Variants in LRBA observed in about 807,000 individuals in gnomAD.
LRBA encodes LPS responsive beige-like anchor protein.
Under a neutral mutation model 330.0 loss-of-function variants are expected in LRBA, and 176 were observed. The ratio of observed to expected loss-of-function variants is 0.53; its 90% confidence interval spans 0.47 to 0.60. The LOEUF (loss-of-function observed/expected upper bound fraction) is 0.60. Ranked by LOEUF, LRBA falls within the 20% of genes least tolerant of loss-of-function variation. The pLI is 0.00. For synonymous variants in LRBA, 1,230 were observed against 1,193.0 expected, an observed-to-expected ratio of 1.03 and a Z score of -0.64; for missense variants, 3,259 against 3,444.8, an observed-to-expected ratio of 0.95 and a Z score of 1.35.
At chr4:150,366,760 ACT>A (rs1393054883) in intron 47 of LRBA, among the ~76,000 whole-genome samples, 1 of 152,140 alleles carries the variant, frequency 6.6e-6, no homozygotes, top group Non-Finnish European at 1.5e-5. Context: ...GGAGTAATTA[ACT>A]CTGATGTGAA....
At chr4:150,441,142 GTTAT>G (rs1168438863) in intron 44 of LRBA, among the ~76,000 whole-genome samples, 1 of 151,762 alleles carries the variant, frequency 6.6e-6, no homozygotes, top group Non-Finnish European at 1.5e-5. Flanking sequence ...TTTTTTTCAG[GTTAT>G]TTGATGAAGA....
At chr4:150,374,187 G>C (rs549306134) in intron 47 of LRBA, among the ~76,000 whole-genome samples, 4 of 152,290 alleles carry the variant, frequency 2.6e-5, no homozygotes, top group African/African-American at 7.2e-5. Flanking sequence ...CTCTATGAGA[G>C]TGAACTATTG....
chr4:150,926,558 A>T (rs755932164), intron 4 of LRBA, among the ~76,000 whole-genome samples: 23 of 152,222 alleles, frequency 1.5e-4, no homozygotes, highest in Non-Finnish European at 2.8e-4. Context: ...AAAATTTGCT[A>T]TGTCTGATAT....
At chr4:150,374,437 G>A (rs930398850) in intron 47 of LRBA, among the ~76,000 whole-genome samples, 1 of 152,204 alleles carries the variant, frequency 6.6e-6, no homozygotes, top group East Asian at 1.9e-4. Context: ...GACCCACCTT[G>A]AACCCAGAGA....
intron 48 of LRBA, among the ~76,000 whole-genome samples, chr4:150,346,685 G>C (rs1736354981): frequency 7.0e-6 from 1 of 142,246 alleles, no homozygotes; most frequent in South Asian, 2.2e-4. Context: ...CTTGAACCTG[G>C]GAGGCGGAGG....
intron 36 of LRBA, among the ~76,000 whole-genome samples, chr4:150,696,097 G>GC (rs1175406468): frequency 2.0e-5 from 3 of 152,060 alleles, no homozygotes; most frequent in African/African-American, 7.2e-5. Context: ...GGGCATGGTG[G>GC]CATGCACCTG....
intron 37 of LRBA, among the ~76,000 whole-genome samples, chr4:150,666,934 T>C (rs773326721): frequency 6.6e-6 from 1 of 152,158 alleles, no homozygotes; most frequent in African/African-American, 2.4e-5. Flanking sequence ...TGAAGAATCA[T>C]CCTTATTTAA....
chr4:150,844,091 G>A lies in LRBA; in HGVS notation c.4569+9C>T, dbSNP rs186080. 0.9 allele frequency: 1,389,218 copies of A among 1,535,700 alleles called. 633,998 individuals are homozygous for A. The highest frequency in any genetic ancestry group is 0.94 in the Non-Finnish European group (1,050,159 of 1,111,812). On this transcript the variant is annotated intron_variant, in intron 28 of 56. Transcript: ENST00000651943. ...TAAGAGAGTATGTGAAAGACATATTGTAACTTACTATGTCTCTGAAAACAA... is the reference window on the plus strand; with the variant it reads ...TAAGAGAGTATGTGAAAGACATATTATAACTTACTATGTCTCTGAAAACAA...
At position 150,761,616 on chromosome 4, in the gene LRBA, A is replaced by T. The variant is rs13340305; in HGVS notation, c.5645+167T>A. 0.09 allele frequency among the ~76,000 whole-genome samples: 13,610 copies of T among 152,048 alleles called. 1,062 individuals carry two copies. Among genetic ancestry groups the T allele is most frequent in the African/African-American group, 0.2 (8,393 of 41,472 alleles). On this transcript the variant is annotated intron_variant, in intron 35 of 56. Transcript: ENST00000651943. Reference sequence around the variant, plus strand: ...AGTAAGCTTGCATCTAAAGAAAATTATAAAATGGTTAAATATTAACATATA... The same window carrying T: ...AGTAAGCTTGCATCTAAAGAAAATTTTAAAATGGTTAAATATTAACATATA...
At chr4:150,997,848 C>G (rs570456496) in intron 2 of LRBA, among the ~76,000 whole-genome samples, 1 of 151,820 alleles carries the variant, frequency 6.6e-6, no homozygotes, top group African/African-American at 2.4e-5. Context: ...GGATTACAGG[C>G]GCACACCACC....
intron 9 of LRBA, 51 bp downstream of exon 9, chr4:150,914,144 C>A: frequency 6.8e-7 from 1 of 1,462,362 alleles, no homozygotes. Flanking sequence ...AACCCACCTT[C>A]AAATCAAGCT....
intron 30 of LRBA, among the ~76,000 whole-genome samples, chr4:150,827,237 G>A (rs1746404830): frequency 1.3e-5 from 2 of 152,190 alleles, no homozygotes; most frequent in Admixed American, 1.3e-4. Flanking sequence ...ATTCAAGACT[G>A]CTTTTAACTT....
chr4:150,742,044 T>A (rs1291342517), intron 35 of LRBA, among the ~76,000 whole-genome samples: 1 of 151,928 alleles, frequency 6.6e-6, no homozygotes, highest in African/African-American at 2.4e-5. Context: ...ATCTGGAACA[T>A]TTTTGATATG....
At chr4:150,324,738 C>A (rs1381623299) in intron 49 of LRBA, among the ~76,000 whole-genome samples, 1 of 152,072 alleles carries the variant, frequency 6.6e-6, no homozygotes, top group African/African-American at 2.4e-5. Flanking sequence ...TGGAATTTGA[C>A]TTTATATAAT....
chr4:151,011,940 G>A (rs1561131052), intron 2 of LRBA, among the ~76,000 whole-genome samples: 1 of 151,904 alleles, frequency 6.6e-6, no homozygotes, highest in Admixed American at 6.6e-5. Context: ...CAAAGCTCTG[G>A]GATTACAAGC....
intron 24 of LRBA, among the ~76,000 whole-genome samples, chr4:150,849,902 T>C (rs188567160): frequency 7.7e-4 from 118 of 152,284 alleles, no homozygotes; most frequent in African/African-American, 2.7e-3. Flanking sequence ...TACTGGTAAA[T>C]GTGCTATTAA....
chr4:150,703,055 GGAGGCT>G (rs1191790519), intron 36 of LRBA, among the ~76,000 whole-genome samples: 4 of 152,158 alleles, frequency 2.6e-5, no homozygotes, highest in African/African-American at 9.7e-5. Context: ...CAGCTACTCG[GGAGGCT>G]GAGGCGTAAG....
intron 35 of LRBA, among the ~76,000 whole-genome samples, chr4:150,753,720 C>A (rs999317355): frequency 2.4e-4 from 36 of 152,022 alleles, no homozygotes; most frequent in African/African-American, 8.7e-4. Context: ...GGTGAAAAAG[C>A]ACAATTCAAA....
At chr4:150,962,120 A>G (rs1159765041) in intron 2 of LRBA, among the ~76,000 whole-genome samples, 1 of 149,468 alleles carries the variant, frequency 6.7e-6, no homozygotes, top group East Asian at 1.9e-4. Context: ...ATGGAGGAAT[A>G]ATAAACAATT....
Sources: gnomAD v4.1 joint callset for allele counts (sites outside exome capture counted in the v4.1 genomes callset) on GRCh38, gnomAD v4.1.1 for gene constraint, MANE v1.5 for transcripts, NCBI Gene and HGNC (gene_info 2026-07-23, HGNC 2026-07-21) for gene names.